The following ELMO1 variants were observed in gnomAD, a reference collection of about 807,000 sequenced individuals.
The protein encoded by ELMO1 is engulfment and cell motility 1.
A neutral mutation model predicts 98.9 loss-of-function variants in ELMO1; 26 were observed. The ratio of observed to expected loss-of-function variants is 0.26; its 90% confidence interval spans 0.19 to 0.36. The LOEUF (loss-of-function observed/expected upper bound fraction) is 0.36. Ranked by LOEUF, ELMO1 falls within the 10% of genes least tolerant of loss-of-function variation. The pLI is 1.00. For missense variants in ELMO1, 627 were observed against 935.2 expected, an observed-to-expected ratio of 0.67 and a Z score of 4.30; for synonymous variants, 346 against 346.0, an observed-to-expected ratio of 1.00 and a Z score of 0.00.
At chr7:37,144,801 T>C (rs1458778757) in intron 13 of ELMO1, among the ~76,000 whole-genome samples, 1 of 152,166 alleles carries the variant, frequency 6.6e-6, no homozygotes, top group Non-Finnish European at 1.5e-5. Flanking sequence ...AAGGCGCTGT[T>C]TGGGTATCTA....
intron 16 of ELMO1, among the ~76,000 whole-genome samples, chr7:36,978,489 G>A (rs1790773686): frequency 1.3e-5 from 2 of 151,950 alleles, no homozygotes; most frequent in South Asian, 2.1e-4. Context: ...AAGTGGCTGG[G>A]AACCTGCATG....
chr7:37,279,639 G>A (rs908365699), intron 4 of ELMO1, among the ~76,000 whole-genome samples: 3 of 152,326 alleles, frequency 2.0e-5, no homozygotes, highest in Non-Finnish European at 2.9e-5. Context: ...TTTAGAGACG[G>A]GAGAGAAATA....
At chr7:36,911,018 G>A (rs971948231) in intron 16 of ELMO1, among the ~76,000 whole-genome samples, 2 of 152,134 alleles carry the variant, frequency 1.3e-5, no homozygotes, top group African/African-American at 2.4e-5. Flanking sequence ...TTAGGAAATC[G>A]ATGTTGCTAC....
rs146192930 is a variant in ELMO1 at position 36,952,009 on chromosome 7, A to T, written c.1438-56992T>A. Among the ~76,000 whole-genome samples, 3 of 152,340 alleles carry T rather than the reference A, an allele frequency of 2.0e-5. No individual in the cohort carries two copies. The East Asian group carries it at 5.8e-4, about 29-fold the overall frequency. On this transcript the variant is annotated intron_variant, in intron 16 of 21. Transcript: ENST00000310758. ...ATGTGGAAGTCAGGAAGTGGATTAG[A>T]GAAGGATCTGGCAAGGAAGCAGGAA...
At position 37,013,344 on chromosome 7, in the gene ELMO1, G is replaced by A; in HGVS notation, c.1392C>T (p.Asn464=). The A allele has an allele frequency of 6.2e-7, 1 of 1,614,056 alleles. No homozygotes were observed. Among genetic ancestry groups the A allele is most frequent in the Non-Finnish European group, 8.5e-7 (1 of 1,180,002 alleles). The change falls in exon 16 of 22, where the codon AAC becomes AAT. Residue 464 remains asparagine, a synonymous_variant. Transcript: ENST00000310758. ...EFFCICIQLL[N]KTWKEMRATS... The stretch of plus-strand genomic sequence containing the variant: ...TTGCCCTCATTTCCTTCCATGTCTT[G>A]TTCAGGAGCTGGATACAGATGCAGA...
At chr7:37,417,456 T>TCA (rs1804270219) in intron 1 of ELMO1, among the ~76,000 whole-genome samples, 1 of 152,112 alleles carries the variant, frequency 6.6e-6, no homozygotes, top group Non-Finnish European at 1.5e-5. Flanking sequence ...GGTCAGCAGA[T>TCA]CGAGACCATC....
chr7:36,985,889 G>C (rs909456345), intron 16 of ELMO1: 18 of 997,806 alleles, frequency 1.8e-5, no homozygotes, highest in Non-Finnish European at 2.2e-5. Flanking sequence ...TGATAATACC[G>C]GTGGACACAT....
intron 15 of ELMO1, among the ~76,000 whole-genome samples, chr7:37,047,312 C>A (rs1310008821): frequency 6.6e-6 from 1 of 152,160 alleles, no homozygotes; most frequent in Non-Finnish European, 1.5e-5. Flanking sequence ...TCTGCCTTTC[C>A]TTCTCTCTCT....
chr7:37,067,112 A>C (rs1333811537), intron 15 of ELMO1, among the ~76,000 whole-genome samples: 1 of 152,234 alleles, frequency 6.6e-6, no homozygotes, highest in Non-Finnish European at 1.5e-5. Flanking sequence ...TAAAAATCAG[A>C]ATCCATGTAT....
chr7:37,198,562 T>G (rs149590386), intron 13 of ELMO1, among the ~76,000 whole-genome samples: 4 of 152,354 alleles, frequency 2.6e-5, no homozygotes, highest in African/African-American at 9.6e-5. Flanking sequence ...GCAATGAAGC[T>G]GGGATGCAAA....
At chr7:37,324,583 C>T (rs2701000) in intron 2 of ELMO1, among the ~76,000 whole-genome samples, 140,637 of 152,208 alleles carry the variant, frequency 0.92, 66,023 homozygotes, top group East Asian at 1. Context: ...TTGGATGACT[C>T]TATTATTTAT....
At chr7:37,107,950 A>G (rs911206075) in intron 14 of ELMO1, among the ~76,000 whole-genome samples, 3 of 152,178 alleles carry the variant, frequency 2.0e-5, no homozygotes, top group Non-Finnish European at 4.4e-5. Context: ...AGGAGAGAGA[A>G]CTATTTCTTA....
At chr7:36,863,349 T>C (rs1243560861) in intron 20 of ELMO1, among the ~76,000 whole-genome samples, 1 of 152,196 alleles carries the variant, frequency 6.6e-6, no homozygotes, top group African/African-American at 2.4e-5. Flanking sequence ...AAGTATAGCA[T>C]CTGTTCCCAT....
In ELMO1 at chr7:37,213,323, A is replaced by T. The variant is rs774704469; in HGVS notation, c.954+12T>A. On this transcript the variant is annotated intron_variant, in intron 12 of 21. Transcript: ENST00000310758. ...CTTCCTGTGCTTTGACTGCTGTCCA[A>T]TGAGCACTCACCTGGTCCTGGGGGT... The T allele has an allele frequency of 6.2e-7, 1 of 1,612,138 alleles. No individual in the cohort carries two copies. The highest frequency in any genetic ancestry group is 1.7e-5 in the Admixed American group (1 of 59,920).
At chr7:37,443,133 A>G (rs1472890409) in intron 1 of ELMO1, among the ~76,000 whole-genome samples, 2 of 152,290 alleles carry the variant, frequency 1.3e-5, no homozygotes, top group African/African-American at 2.4e-5. Context: ...ACCTCCACTG[A>G]GAGAATGCTT....
intron 1 of ELMO1, chr7:37,375,583 T>C (rs776476164): frequency 1.4e-4 from 152 of 1,116,622 alleles, no homozygotes; most frequent in Non-Finnish European, 1.9e-4. Context: ...GAGGGAGTCA[T>C]GGTGGCCAAG....
At chr7:37,345,301 A>G (rs1053744531) in intron 1 of ELMO1, among the ~76,000 whole-genome samples, 2 of 152,226 alleles carry the variant, frequency 1.3e-5, no homozygotes, top group African/African-American at 4.8e-5. Context: ...GGATATGAAG[A>G]AAAATCAAGC....
chr7:36,898,358 C>G (rs990138549), intron 16 of ELMO1, among the ~76,000 whole-genome samples: 2 of 152,210 alleles, frequency 1.3e-5, no homozygotes, highest in African/African-American at 4.8e-5. Flanking sequence ...AAAGCACGCT[C>G]TTAGAATCTG....
chr7:36,928,073 C>A (rs1785722313), intron 16 of ELMO1, among the ~76,000 whole-genome samples: 1 of 152,158 alleles, frequency 6.6e-6, no homozygotes, highest in Non-Finnish European at 1.5e-5. Context: ...TCCTAAAAGG[C>A]AAATGAGAGA....
Sources: gnomAD v4.1 joint callset for allele counts (sites outside exome capture counted in the v4.1 genomes callset) on GRCh38, gnomAD v4.1.1 for gene constraint, MANE v1.5 for transcripts, NCBI Gene and HGNC (gene_info 2026-07-23, HGNC 2026-07-21) for gene names.